DYM: variants seen among roughly 807,000 people sequenced by gnomAD.
The protein encoded by DYM is dymeclin, also known as dyggve-Melchior-Clausen syndrome protein.
Under a neutral mutation model 93.1 loss-of-function variants are expected in DYM, and 78 were observed. That is an observed-to-expected ratio of 0.84 (90% CI 0.70 to 1.01). DYM has a LOEUF of 1.01. Ranked by LOEUF, DYM falls within the 50% of genes least tolerant of loss-of-function variation. The pLI is 0.00. For synonymous variants in DYM, 321 were observed against 319.7 expected (o/e 1.00, Z -0.04); for missense variants, 789 against 845.0 (o/e 0.93, Z 0.82).
chr18:49,299,000 C>T (rs1416695975), intron 8 of DYM, among the ~76,000 whole-genome samples: 2 of 152,122 alleles, frequency 1.3e-5, no homozygotes, highest in Non-Finnish European at 2.9e-5. Flanking sequence ...ATCCATGAAA[C>T]AGGAAAGGGT....
rs370169154 is a variant in DYM, at chr18:49,248,202, T to C, written c.1460+8808A>G. 1.3e-4 allele frequency among the ~76,000 whole-genome samples: 20 copies of C among 152,382 alleles called. No individual in the cohort carries two copies. The South Asian group carries it at 4.1e-3, about 32-fold the overall frequency. On this transcript the variant is annotated intron_variant, in intron 13 of 17. Coordinates refer to ENST00000675505, the MANE Select transcript of DYM (RefSeq NM_001353214.3). ...CAATAAAACAATTATTAAAAACTTCTATCTATGTTCAGTGAGATCTTCATT... is the reference window on the plus strand; with the variant it reads ...CAATAAAACAATTATTAAAAACTTCCATCTATGTTCAGTGAGATCTTCATT...
intron 2 of DYM, among the ~76,000 whole-genome samples, chr18:49,396,347 C>T (rs2070082061): frequency 6.6e-6 from 1 of 152,150 alleles, no homozygotes; most frequent in African/African-American, 2.4e-5. Context: ...TGGGTATAAA[C>T]ATTGAGCATC....
At chr18:49,384,196 G>A (rs2068334148) in intron 3 of DYM, among the ~76,000 whole-genome samples, 2 of 151,776 alleles carry the variant, frequency 1.3e-5, no homozygotes, top group Non-Finnish European at 2.9e-5. Flanking sequence ...GGTTGCGCAT[G>A]CCTATGGTCC....
At chr18:49,267,116 AAAG>A (rs1437760798) in intron 11 of DYM, among the ~76,000 whole-genome samples, 1 of 152,266 alleles carries the variant, frequency 6.6e-6, no homozygotes, top group Non-Finnish European at 1.5e-5. Context: ...TTAGAAAGAT[AAAG>A]AAGAGAATAG....
chr18:49,261,641 T>G (rs775431875), intron 11 of DYM, among the ~76,000 whole-genome samples: 1 of 152,138 alleles, frequency 6.6e-6, no homozygotes, highest in Non-Finnish European at 1.5e-5. Flanking sequence ...GAGAAGACTC[T>G]CTCAAAAATA....
At chr18:49,090,908 G>A (rs541775614) in intron 17 of DYM, among the ~76,000 whole-genome samples, 5 of 152,194 alleles carry the variant, frequency 3.3e-5, no homozygotes, top group Non-Finnish European at 5.9e-5. Flanking sequence ...TAAAGTGGAG[G>A]TCTTCACAGT....
intron 17 of DYM, chr18:49,097,181 A>G: frequency 1.7e-6 from 1 of 597,932 alleles, no homozygotes; most frequent in Non-Finnish European, 3.0e-6. Context: ...ACAGTATATG[A>G]ATTATAGTGC....
intron 2 of DYM, among the ~76,000 whole-genome samples, chr18:49,394,652 G>A (rs1417684338): frequency 1.3e-5 from 2 of 151,942 alleles, no homozygotes; most frequent in Non-Finnish European, 2.9e-5. Context: ...TTATTCTTCC[G>A]ATACGTAACA....
intron 2 of DYM, among the ~76,000 whole-genome samples, chr18:49,428,329 A>C (rs2074490225): frequency 6.6e-6 from 1 of 152,070 alleles, no homozygotes; most frequent in Non-Finnish European, 1.5e-5. Context: ...GTCACAAAAG[A>C]CCACCTATTG....
intron 17 of DYM, among the ~76,000 whole-genome samples, chr18:49,044,685 G>A (rs2071240572): frequency 6.6e-6 from 1 of 152,250 alleles, no homozygotes; most frequent in Admixed American, 6.5e-5. Flanking sequence ...TGCCACCGGT[G>A]GAGGGGGGCT....
At chr18:49,137,611 T>C (rs1312055699) in intron 15 of DYM, among the ~76,000 whole-genome samples, 1 of 152,194 alleles carries the variant, frequency 6.6e-6, no homozygotes, top group Non-Finnish European at 1.5e-5. Flanking sequence ...TAAGGGTAGA[T>C]AATTTAGCAT....
chr18:49,286,578 T>G lies in DYM; in HGVS notation c.802A>C (p.Ser268Arg). 11 of 1,614,064 alleles carry G rather than the reference T, an allele frequency of 6.8e-6. No individual in the cohort carries two copies. Among genetic ancestry groups the G allele is most frequent in the Non-Finnish European group, 7.6e-6 (9 of 1,179,982 alleles). ...WTVFTLGGVG[S>R]KAAASPELSS... Reference sequence around the variant, plus strand: ...AGCTCTGGAGAGGCAGCCGCTTTGCTGCCCACACCACCTAGTGTGAAGACA... The same window carrying G: ...AGCTCTGGAGAGGCAGCCGCTTTGCGGCCCACACCACCTAGTGTGAAGACA... The change falls in exon 9 of 18, where the codon AGC becomes CGC. Residue 268 changes from serine to arginine, a missense_variant. By Grantham distance (110) the Ser-to-Arg change is moderately radical. This residue lies in a region of DYM where 450 missense variants were observed against 436.2 expected (regional missense o/e 1.03). Transcript: ENST00000675505.
At chr18:49,105,881 T>G (rs185188972) in intron 16 of DYM, among the ~76,000 whole-genome samples, 1 of 152,332 alleles carries the variant, frequency 6.6e-6, no homozygotes, top group African/African-American at 2.4e-5. Flanking sequence ...GAATGTATAT[T>G]CTGCTGATTT....
intron 14 of DYM, among the ~76,000 whole-genome samples, chr18:49,180,870 G>T (rs1224727343): frequency 6.6e-6 from 1 of 152,128 alleles, no homozygotes. Context: ...CCTTAAGAGA[G>T]AACCTATGGA....
At chr18:49,441,581 C>T (rs181909251) in intron 1 of DYM, among the ~76,000 whole-genome samples, 33 of 150,714 alleles carry the variant, frequency 2.2e-4, no homozygotes, top group African/African-American at 7.8e-4. Flanking sequence ...GTTGGGTATT[C>T]CCCGCCCAAT....
intron 16 of DYM, among the ~76,000 whole-genome samples, chr18:49,114,240 G>T (rs2081713407): frequency 6.6e-6 from 1 of 152,192 alleles, no homozygotes; most frequent in African/African-American, 2.4e-5. Flanking sequence ...AATGGTAAAA[G>T]AGGTCATATA....
intron 15 of DYM, among the ~76,000 whole-genome samples, chr18:49,142,543 T>C (rs928379810): frequency 6.6e-6 from 1 of 152,236 alleles, no homozygotes; most frequent in Non-Finnish European, 1.5e-5. Context: ...AGAATACAGA[T>C]TTTCTACAAT....
chr18:49,252,611 A>C (rs2094314711), intron 13 of DYM, among the ~76,000 whole-genome samples: 1 of 152,178 alleles, frequency 6.6e-6, no homozygotes, highest in Non-Finnish European at 1.5e-5. Context: ...CAGTATACAA[A>C]TGACAGTAGA....
At chr18:49,080,974 C>T (rs1379549462) in intron 17 of DYM, among the ~76,000 whole-genome samples, 4 of 151,306 alleles carry the variant, frequency 2.6e-5, no homozygotes, top group African/African-American at 4.9e-5. Context: ...CTCCTCACTT[C>T]CTAGATGGGA....
Sources: allele counts gnomAD v4.1 joint callset (sites outside exome capture counted in the v4.1 genomes callset), GRCh38; gene constraint gnomAD v4.1.1; regional missense constraint gnomAD v4.1.1; transcripts MANE v1.5; gene names NCBI Gene and HGNC (gene_info 2026-07-23, HGNC 2026-07-21).